Variants in TTLL5 observed in about 807,000 individuals in gnomAD.
TTLL5 encodes the protein tubulin tyrosine ligase like 5.
A neutral mutation model predicts 168.4 loss-of-function variants in TTLL5; 132 were observed. That is an observed-to-expected ratio of 0.78 (90% confidence interval 0.68 to 0.91). The LOEUF (loss-of-function observed/expected upper bound fraction) is 0.91. Ranked by LOEUF, TTLL5 falls within the 40% of genes least tolerant of loss-of-function variation. The pLI is 0.00. For synonymous variants in TTLL5, 546 were observed against 558.6 expected, an observed-to-expected ratio of 0.98 and a Z score of 0.32; for missense variants, 1,545 against 1,581.5, an observed-to-expected ratio of 0.98 and a Z score of 0.39.
intron 27 of TTLL5, among the ~76,000 whole-genome samples, chr14:75,793,679 A>G (rs1055674866): frequency 6.6e-6 from 1 of 152,184 alleles, no homozygotes; most frequent in Non-Finnish European, 1.5e-5. Flanking sequence ...AAATAACAGG[A>G]TATTGTCCTT....
At chr14:75,735,034 G>T (rs1888793839) in intron 14 of TTLL5, among the ~76,000 whole-genome samples, 161 bp from the exon 15 acceptor site, 1 of 152,210 alleles carries the variant, frequency 6.6e-6, no homozygotes, top group Non-Finnish European at 1.5e-5. Flanking sequence ...TCAGAGTTCA[G>T]AGGGTGTGTG....
chr14:75,854,649 G>C (rs974667133), intron 28 of TTLL5, among the ~76,000 whole-genome samples: 1 of 152,140 alleles, frequency 6.6e-6, no homozygotes, highest in African/African-American at 2.4e-5. Context: ...GAAAGTTCTA[G>C]TTGCTCTTCA....
chr14:75,942,220 A>G (rs1325278252), intron 31 of TTLL5, among the ~76,000 whole-genome samples: 1 of 151,814 alleles, frequency 6.6e-6, no homozygotes, highest in Non-Finnish European at 1.5e-5. Context: ...TAACCTTCAG[A>G]CAGCTGATGA....
At chr14:75,824,272 T>C (rs571593598) in intron 28 of TTLL5, among the ~76,000 whole-genome samples, 1 of 152,248 alleles carries the variant, frequency 6.6e-6, no homozygotes, top group Non-Finnish European at 1.5e-5. Context: ...TTTGAAGACA[T>C]AATGTTTGAT....
Position 75,793,124 on chromosome 14 carries a change from A to G in TTLL5, c.3171+24A>G, listed in dbSNP as rs542722954. 1.8e-4 allele frequency: 280 copies of G among 1,552,212 alleles called. 3 individuals are homozygous for G. The South Asian group carries it at 3.1e-3, about 17-fold the overall frequency. ...AGGTACGGATGGTCTGGGGTGTCCA[A>G]GAGCTCTTTGGACCTGAGGATAGAA... On this transcript the variant is annotated intron_variant, in intron 27 of 31. Coordinates refer to ENST00000298832, the MANE Select transcript of TTLL5 (RefSeq NM_015072.5).
At chr14:75,726,209 C>A (rs1378926819) in intron 12 of TTLL5, among the ~76,000 whole-genome samples, 1 of 152,130 alleles carries the variant, frequency 6.6e-6, no homozygotes, top group Non-Finnish European at 1.5e-5. Flanking sequence ...TTCCTCCTCT[C>A]TCCCTAAACT....
chr14:75,744,052 G>C (rs548015200), intron 15 of TTLL5, among the ~76,000 whole-genome samples: 1 of 152,080 alleles, frequency 6.6e-6, no homozygotes, highest in Non-Finnish European at 1.5e-5. Flanking sequence ...CCATAACAAC[G>C]GGTGTTGCTA....
intron 27 of TTLL5, among the ~76,000 whole-genome samples, chr14:75,794,480 A>T (rs991306490): frequency 3.9e-5 from 6 of 152,064 alleles, no homozygotes; most frequent in African/African-American, 1.4e-4. Context: ...AAAATAGCCA[A>T]TATTAGTGCT....
intron 14 of TTLL5, among the ~76,000 whole-genome samples, chr14:75,734,437 A>G (rs1037729295): frequency 1.3e-5 from 2 of 152,364 alleles, no homozygotes; most frequent in South Asian, 2.1e-4. Flanking sequence ...TGTAGTAGTT[A>G]TAACCAAAGC....
At chr14:75,762,825 C>T (rs1890735819) in intron 18 of TTLL5, among the ~76,000 whole-genome samples, 1 of 151,732 alleles carries the variant, frequency 6.6e-6, no homozygotes, top group African/African-American at 2.4e-5. Flanking sequence ...TCTTTTTTTC[C>T]TAAAGAATGG....
At chr14:75,863,961 AGTTTTCCAACCCC>A (rs1414157258) in intron 29 of TTLL5, 99 bp downstream of exon 29, 5 of 1,265,234 alleles carry the variant, frequency 4.0e-6, no homozygotes, top group African/African-American at 1.6e-5. Context: ...ATGTAGGATT[AGTTTTCCAACCCC>A]GTGCCATCCT....
chr14:75,914,031 A>ATATATATATATATAT lies in TTLL5; in HGVS notation c.3823+11807_3823+11808insTATATATATATATAT, dbSNP rs1375194323. On this transcript the variant is annotated intron_variant, in intron 31 of 31. Transcript: ENST00000298832. The stretch of plus-strand genomic sequence containing the variant: ...CTGTTTAAAAGGAAAAAAAAAAAAA[A>ATATATATATATATAT]AAATATATATATATATATATATATT... Among the ~76,000 whole-genome samples, 3 of 77,328 alleles carry ATATATATATATATAT rather than the reference A, an allele frequency of 3.9e-5. No homozygotes were observed. The African/African-American group carries it at 5.1e-4, about 13-fold the overall frequency. 50.7% of individuals were successfully genotyped at this position (77,328 alleles called of 152,430 possible).
intron 31 of TTLL5, among the ~76,000 whole-genome samples, chr14:75,943,088 A>T (rs2034661909): frequency 6.6e-6 from 1 of 152,182 alleles, no homozygotes; most frequent in Admixed American, 6.5e-5. Context: ...GTCCCACAAA[A>T]AAAAGGCGGT....
At chr14:75,951,555 T>C (rs1595328926) in intron 31 of TTLL5, among the ~76,000 whole-genome samples, 1 of 151,748 alleles carries the variant, frequency 6.6e-6, no homozygotes, top group African/African-American at 2.4e-5. Flanking sequence ...AGCCCAGGAG[T>C]TCGAGACCAG....
rs377224752 is a variant in TTLL5, at chr14:75,685,162, G to A, written c.371+1506G>A. Among the ~76,000 whole-genome samples the A allele has an allele frequency of 6.6e-5, 10 of 152,016 alleles. No individual in the cohort carries two copies. In the East Asian group the frequency reaches 1.6e-3, roughly 24 times the overall value. On this transcript the variant is annotated intron_variant, in intron 5 of 31. Transcript: ENST00000298832. ...TTTGGGAGGCCAAGGCAGACAGATC[G>A]CTTGAGCCCCAGGAGTTGGAGACCA...
At chr14:75,792,878 T>C (rs1227028555) in intron 26 of TTLL5, 38 bp from the exon 27 acceptor site, 1 of 1,505,690 alleles carries the variant, frequency 6.6e-7, no homozygotes, top group African/African-American at 1.4e-5. Context: ...CAGGCCTTTT[T>C]TTCCTAAATG....
intron 12 of TTLL5, among the ~76,000 whole-genome samples, chr14:75,721,202 C>T (rs1418049235): frequency 6.6e-6 from 1 of 151,918 alleles, no homozygotes; most frequent in Non-Finnish European, 1.5e-5. Context: ...CTTTCTCTTC[C>T]TCTTCTCCTC....
At chr14:75,843,615 G>A (rs1337913394) in intron 28 of TTLL5, among the ~76,000 whole-genome samples, 3 of 152,240 alleles carry the variant, frequency 2.0e-5, no homozygotes, top group Non-Finnish European at 2.9e-5. Flanking sequence ...GCACTGCAGA[G>A]CAGATGAGTG....
chr14:75,867,783 A>T (rs899224039), intron 29 of TTLL5, among the ~76,000 whole-genome samples: 1 of 152,074 alleles, frequency 6.6e-6, no homozygotes, highest in Non-Finnish European at 1.5e-5. Context: ...AGCAAAAAAA[A>T]AATTTCAGGA....
Sources: gnomAD v4.1 joint callset for allele counts (sites outside exome capture counted in the v4.1 genomes callset) on GRCh38, gnomAD v4.1.1 for gene constraint, MANE v1.5 for transcripts, NCBI Gene and HGNC (gene_info 2026-07-23, HGNC 2026-07-21) for gene names.